Variants in CREBBP observed in about 807,000 individuals in gnomAD.
CREBBP encodes the protein CREB binding lysine acetyltransferase, also known as CREB-binding protein.
In CREBBP, 19 loss-of-function variants were observed where a neutral mutation model predicts 265.0. The observed-to-expected ratio is 0.07, with a 90% CI of 0.05 to 0.11. The LOEUF is 0.11. Ranked by LOEUF, CREBBP falls within the 10% of genes least tolerant of loss-of-function variation. The probability of loss-of-function intolerance (pLI) is 1.00; values close to 1 mark genes in which losing one functional copy is unlikely to be tolerated. For synonymous variants in CREBBP, 1,457 were observed against 1,223.7 expected (o/e 1.19, Z -3.98); for missense variants, 2,525 against 3,219.0 (o/e 0.78, Z 5.22).
chr16:3,738,704 G>C lies in CREBBP; in HGVS notation c.4281-32C>G, dbSNP rs779889432. 4.4e-6 allele frequency: 6 copies of C among 1,371,510 alleles called. No homozygotes were observed. The South Asian group carries it at 7.1e-5, about 16-fold the overall frequency. 85.0% of individuals were successfully genotyped at this position (1,371,510 alleles called of 1,614,324 possible). A position where few individuals can be genotyped will look rare whatever the true frequency, so the allele number is the denominator to read the frequency against. ...GAAGGAGGCACATGTTTAACTCAGGGTATCCCTCAAATCTGAAATCAAACA... is the reference window on the plus strand; with the variant it reads ...GAAGGAGGCACATGTTTAACTCAGGCTATCCCTCAAATCTGAAATCAAACA... On this transcript the variant is annotated intron_variant, in intron 25 of 30. Coordinates refer to ENST00000262367, the MANE Select transcript of CREBBP (RefSeq NM_004380.3).
rs771638045 is a variant in CREBBP, at chr16:3,728,905, C to T, written c.6142G>A (p.Val2048Met). Reference protein sequence around the residue: ...PVISMQAQAAVAGPRMPSVQP... With the variant: ...PVISMQAQAAMAGPRMPSVQP... ...ACGCTGGGCATCCGGGGCCCAGCCA[C>T]GGCCGCCTGGGCCTGCATGGATATC... The change falls in exon 31 of 31, where the codon GTG (valine) becomes ATG (methionine). Residue 2048 changes from valine (V) to methionine (M), a missense_variant. Physicochemically the swap from Val to Met is conservative, Grantham distance 21. Transcript: ENST00000262367. This position sits in a 1 kb window ranked among gnomAD's most constrained non-coding sequence, Gnocchi z 8.7. 23 of 1,607,852 alleles carry T rather than the reference C, an allele frequency of 1.4e-5. No individual in the cohort carries two copies. The highest frequency in any genetic ancestry group is 2.2e-5 in the East Asian group (1 of 44,858).
chr16:3,790,760 A>G (rs1404116081), intron 5 of CREBBP, among the ~76,000 whole-genome samples: 1 of 152,108 alleles, frequency 6.6e-6, no homozygotes, highest in Non-Finnish European at 1.5e-5. Flanking sequence ...CCCTGCTTTA[A>G]AGGAAGCAGG....
intron 26 of CREBBP, among the ~76,000 whole-genome samples, chr16:3,737,753 C>CA (rs2052102653): frequency 1.3e-5 from 2 of 150,148 alleles, no homozygotes; most frequent in Non-Finnish European, 3.0e-5. Context: ...CTAGGTGAGC[C>CA]AATTTTTTTT....
At position 3,731,658 on chromosome 16, in the gene CREBBP, T is replaced by G. The variant is rs115143022; in HGVS notation, c.4890+118A>C. On this transcript the variant is annotated intron_variant, in intron 29 of 30. Transcript: ENST00000262367. The surrounding 1 kb of genome is among the most constrained non-coding windows in gnomAD (Gnocchi z 7.7). ...ATGTCACCCAACTGGTCCACTTGGTTTCCTGGGGGCCACTTCCCTCCCACC... is the reference window on the plus strand; with the variant it reads ...ATGTCACCCAACTGGTCCACTTGGTGTCCTGGGGGCCACTTCCCTCCCACC... 6.7e-7 allele frequency: 1 copy of G among 1,498,098 alleles called. No homozygotes were observed. Among genetic ancestry groups the G allele is most frequent in the East Asian group, 2.3e-5 (1 of 44,306 alleles). The allele number at this position is 1,498,098 out of a possible 1,614,324, so 92.8% of individuals were successfully genotyped here. A position where few individuals can be genotyped will look rare whatever the true frequency, so the allele number is the denominator to read the frequency against.
chr16:3,838,101 T>A (rs2054492596), intron 2 of CREBBP, among the ~76,000 whole-genome samples: 1 of 152,202 alleles, frequency 6.6e-6, no homozygotes, highest in African/African-American at 2.4e-5. Context: ...CCTAAAGTGC[T>A]GGGATTGCAG....
At chr16:3,828,098 GT>G (rs1157490073) in intron 2 of CREBBP, among the ~76,000 whole-genome samples, 1 of 149,674 alleles carries the variant, frequency 6.7e-6, no homozygotes, top group Non-Finnish European at 1.5e-5. Flanking sequence ...TTTTTTTTTT[GT>G]TTTGTTTTTG....
At chr16:3,788,299 C>T (rs1320844888) in intron 5 of CREBBP, among the ~76,000 whole-genome samples, 2 of 152,194 alleles carry the variant, frequency 1.3e-5, no homozygotes, top group African/African-American at 4.8e-5. Context: ...ACACTAATCA[C>T]CCAGGATTTT....
At chr16:3,850,094 T>A (rs2054794678) in intron 2 of CREBBP, among the ~76,000 whole-genome samples, 1 of 152,120 alleles carries the variant, frequency 6.6e-6, no homozygotes, top group South Asian at 2.1e-4. Flanking sequence ...CTGTCCTACT[T>A]CTTTAAGAAT....
intron 19 of CREBBP, among the ~76,000 whole-genome samples, chr16:3,752,992 C>T (rs554474399): frequency 2.4e-4 from 37 of 152,298 alleles, no homozygotes; most frequent in Non-Finnish European, 4.7e-4. Flanking sequence ...TAAGAATAAA[C>T]AAGCGGGTGG....
intron 9 of CREBBP, 39 bp from the exon 10 acceptor site, chr16:3,778,221 T>A (rs1294264115): frequency 6.6e-7 from 1 of 1,507,924 alleles, no homozygotes; most frequent in Non-Finnish European, 9.2e-7. Flanking sequence ...CAGTTAAAAC[T>A]GTAAAAAGCA....
intron 2 of CREBBP, among the ~76,000 whole-genome samples, chr16:3,817,908 C>T (rs562049795): frequency 1.3e-5 from 2 of 152,232 alleles, no homozygotes; most frequent in African/African-American, 4.8e-5. Flanking sequence ...TTAAGAATAC[C>T]TGTCCTTGGA....
At chr16:3,854,694 T>C (rs1171734006) in intron 1 of CREBBP, among the ~76,000 whole-genome samples, 1 of 152,186 alleles carries the variant, frequency 6.6e-6, no homozygotes, top group African/African-American at 2.4e-5. Flanking sequence ...GAATCTTTCT[T>C]CTTGAATCTC....
intron 25 of CREBBP, 109 bp downstream of exon 25, chr16:3,739,469 C>T: frequency 7.6e-7 from 1 of 1,322,486 alleles, no homozygotes; most frequent in Non-Finnish European, 1.1e-6. Flanking sequence ...GTTTCATTTA[C>T]TTTAATCCCC....
chr16:3,736,822 G>A lies in CREBBP; in HGVS notation c.4395-7C>T. 2 of 1,614,100 alleles carry A rather than the reference G, an allele frequency of 1.2e-6. No individual in the cohort carries two copies. Among genetic ancestry groups the A allele is most frequent in the Non-Finnish European group, 1.7e-6 (2 of 1,180,034 alleles). ...GATGTGCCCTGTCACATACCTGCAG[G>A]ACCCACGCACACACGTCAGATGAAC... On this transcript the variant is annotated splice_polypyrimidine_tract_variant and splice_region_variant and intron_variant, in intron 26 of 30. Coordinates refer to ENST00000262367, the MANE Select transcript of CREBBP (RefSeq NM_004380.3).
chr16:3,747,111 C>T (rs751324440), intron 21 of CREBBP, among the ~76,000 whole-genome samples: 2 of 151,940 alleles, frequency 1.3e-5, no homozygotes, highest in Non-Finnish European at 2.9e-5. Flanking sequence ...GCTCCAAAAG[C>T]TCTTGCTTTA....
At chr16:3,860,407 TG>T (rs1250524730) in intron 1 of CREBBP, among the ~76,000 whole-genome samples, 1 of 152,168 alleles carries the variant, frequency 6.6e-6, no homozygotes, top group Non-Finnish European at 1.5e-5. Context: ...TTCACAAGTG[TG>T]ATCATGGCTC....
intron 3 of CREBBP, among the ~76,000 whole-genome samples, chr16:3,800,327 C>T (rs2053687496): frequency 6.6e-6 from 1 of 152,066 alleles, no homozygotes; most frequent in African/African-American, 2.4e-5. Flanking sequence ...CCATGTTGTT[C>T]GAGCTGGTCT....
At chr16:3,790,785 G>A (rs2053490208) in intron 5 of CREBBP, among the ~76,000 whole-genome samples, 1 of 152,168 alleles carries the variant, frequency 6.6e-6, no homozygotes, top group African/African-American at 2.4e-5. Context: ...GCGTCAGCTC[G>A]CTGCCTACTC....
chr16:3,774,010 A>C (rs2141217853), intron 12 of CREBBP, 80 bp from the exon 13 acceptor site: 1 of 1,485,130 alleles, frequency 6.7e-7, no homozygotes, highest in East Asian at 2.3e-5. Context: ...GAATGATCCA[A>C]GGCTTCACAA....
Sources: allele counts gnomAD v4.1 joint callset (sites outside exome capture counted in the v4.1 genomes callset), GRCh38; gene constraint gnomAD v4.1.1; non-coding constraint Gnocchi (gnomAD v3.1); transcripts MANE v1.5; gene names NCBI Gene and HGNC (gene_info 2026-07-23, HGNC 2026-07-21).